Variants in DNAJB4 observed in about 807,000 individuals in gnomAD.
The protein encoded by DNAJB4 is dnaJ homolog subfamily B member 4.
Under a neutral mutation model 26.6 loss-of-function variants are expected in DNAJB4, and 10 were observed. That is an observed-to-expected ratio of 0.38 (90% CI 0.23 to 0.64). DNAJB4 has a LOEUF of 0.64. DNAJB4 is among the 30% of genes least tolerant of loss of function. The pLI is 0.58. For synonymous variants in DNAJB4, 136 were observed against 134.8 expected, an observed-to-expected ratio of 1.01 and a Z score of -0.06; for missense variants, 328 against 408.2, an observed-to-expected ratio of 0.80 and a Z score of 1.69.
intron 1 of DNAJB4, among the ~76,000 whole-genome samples, chr1:77,990,324 C>T (rs1259816882): frequency 2.0e-5 from 3 of 152,178 alleles, no homozygotes; most frequent in Non-Finnish European, 4.4e-5. Context: ...CTCCTTCACA[C>T]TATAAAATAT....
chr1:78,013,670 C>A, intron 2 of DNAJB4, 51 bp downstream of exon 2: 1 of 1,357,254 alleles, frequency 7.4e-7, no homozygotes, highest in African/African-American at 1.5e-5. Context: ...TGTAGTTGAT[C>A]ATAGGGAGTG....
chr1:77,991,314 G>A (rs1659926526), intron 1 of DNAJB4, among the ~76,000 whole-genome samples: 1 of 152,142 alleles, frequency 6.6e-6, no homozygotes, highest in Admixed American at 6.5e-5. Context: ...TTATTATACA[G>A]TTGATTCTCA....
At position 77,984,860 on chromosome 1, in the gene DNAJB4, G is replaced by A. The variant is rs190986230; in HGVS notation, c.-32+4538G>A. Among the ~76,000 whole-genome samples, 363 of 152,322 alleles carry A rather than the reference G, an allele frequency of 2.4e-3. 1 individual carries two copies. Among genetic ancestry groups the A allele is most frequent in the African/African-American group, 8.5e-3 (355 of 41,578 alleles). ...TTTCTTAGAATATCAGTCTTGGAAA[G>A]ACCTTGAAGGTAATCTCGCCCATTT... is the stretch of plus-strand genomic sequence containing the variant. On this transcript the variant is annotated intron_variant, in intron 1 of 2. Coordinates refer to the DNAJB4 transcript ENST00000426517.
chr1:78,015,155 G>T (rs1660600857), intron 2 of DNAJB4, among the ~76,000 whole-genome samples: 2 of 152,152 alleles, frequency 1.3e-5, no homozygotes, highest in South Asian at 4.1e-4. Flanking sequence ...TGCATTCCTT[G>T]AGCTGGGGTC....
intron 1 of DNAJB4, among the ~76,000 whole-genome samples, chr1:77,994,583 CTTTTT>C (rs5775435): frequency 2.1e-5 from 3 of 142,106 alleles, no homozygotes; most frequent in Non-Finnish European, 4.6e-5. Context: ...TACTCTCTCT[CTTTTT>C]TTTTTTTTTT....
intron 1 of DNAJB4, among the ~76,000 whole-genome samples, chr1:77,983,394 T>G (rs1659713723): frequency 6.6e-6 from 1 of 152,182 alleles, no homozygotes; most frequent in South Asian, 2.1e-4. Flanking sequence ...CCTCTTATAC[T>G]AATCCTCCTC....
rs564268639 is a variant in DNAJB4, at chr1:77,995,853, G to A, written c.-31-9227G>A. Among the ~76,000 whole-genome samples the A allele has an allele frequency of 2.0e-5, 3 of 152,282 alleles. No homozygotes were observed. In the South Asian group the frequency reaches 6.2e-4, roughly 32 times the overall value. On this transcript the variant is annotated intron_variant, in intron 1 of 2. Coordinates refer to the DNAJB4 transcript ENST00000426517. Reference sequence around the variant, plus strand: ...CCCAGCTACTTGGGAGGCTGAAATAGGAGAATCACTTGAACCCGGGAGGCG... The same window carrying A: ...CCCAGCTACTTGGGAGGCTGAAATAAGAGAATCACTTGAACCCGGGAGGCG...
In DNAJB4 at chr1:78,005,294, G is replaced by C. The variant is rs1326969895; in HGVS notation, c.184G>C (p.Glu62Gln). The change falls in exon 1 of 3, where the codon GAA becomes CAA. Residue 62 changes from glutamate to glutamine, a missense_variant. By Grantham distance (29) the Glu-to-Gln change is conservative. Transcript: ENST00000370763. The stretch of plus-strand genomic sequence containing the variant: ...AGTATTGAGTGATCCTAAAAAGAGA[G>C]AAATATATGATCAGTTTGGGGAGGA... ...YEVLSDPKKREIYDQFGEEGL... is the reference protein window; with the variant it reads ...YEVLSDPKKRQIYDQFGEEGL... The C allele has an allele frequency of 6.2e-7, 1 of 1,613,310 alleles. No individual in the cohort carries two copies.
intron 1 of DNAJB4, among the ~76,000 whole-genome samples, chr1:77,983,291 T>A (rs1312159098): frequency 6.6e-6 from 1 of 152,202 alleles, no homozygotes; most frequent in Non-Finnish European, 1.5e-5. Flanking sequence ...AGATGGAACA[T>A]ACAATCGGGT....
At chr1:77,997,013 C>CT (rs1660077952) in intron 1 of DNAJB4, among the ~76,000 whole-genome samples, 1 of 152,184 alleles carries the variant, frequency 6.6e-6, no homozygotes, top group African/African-American at 2.4e-5. Flanking sequence ...ATTAATGAAA[C>CT]TTTGTTAAGA....
upstream of DNAJB4, among the ~76,000 whole-genome samples, chr1:78,002,618 T>A (rs903102902): frequency 2.0e-5 from 3 of 152,166 alleles, no homozygotes; most frequent in African/African-American, 7.2e-5. Flanking sequence ...GCCAAATGTT[T>A]GAATTATTTA....
intron 1 of DNAJB4, among the ~76,000 whole-genome samples, chr1:77,998,143 C>T (rs1249509557): frequency 2.0e-5 from 3 of 152,212 alleles, no homozygotes; most frequent in Middle Eastern, 3.4e-3. Context: ...GTTTGTCTTC[C>T]CCCTCTAGAA....
chr1:78,010,093 C>G (rs1055327343), intron 1 of DNAJB4, among the ~76,000 whole-genome samples: 1 of 152,116 alleles, frequency 6.6e-6, no homozygotes, highest in East Asian at 1.9e-4. Context: ...TAATTATGAC[C>G]GAATTGCCCT....
chr1:77,979,309 T>C, upstream of DNAJB4: 1 of 366,958 alleles, frequency 2.7e-6, no homozygotes, highest in Non-Finnish European at 5.1e-6. Context: ...GCTGGGTAAT[T>C]GTTCCTGCAG....
chr1:78,004,014 A>G (rs1660255181), upstream of DNAJB4, among the ~76,000 whole-genome samples: 1 of 152,186 alleles, frequency 6.6e-6, no homozygotes, highest in South Asian at 2.1e-4. Context: ...GAAAGAAAAA[A>G]TATTTCTCAT....
chr1:77,982,972 CACAAAG>C (rs1249501381), intron 1 of DNAJB4, among the ~76,000 whole-genome samples: 15 of 152,254 alleles, frequency 9.9e-5, no homozygotes, highest in African/African-American at 2.6e-4. Context: ...AAGAAAAAGA[CACAAAG>C]ACAAAGTATG....
At chr1:77,996,825 G>A (rs973851517) in intron 1 of DNAJB4, among the ~76,000 whole-genome samples, 6 of 152,212 alleles carry the variant, frequency 3.9e-5, no homozygotes, top group African/African-American at 1.4e-4. Flanking sequence ...GCCATCTTAT[G>A]TTGGTGCTCT....
chr1:78,013,949 G>C (rs1660564055), intron 2 of DNAJB4, among the ~76,000 whole-genome samples: 1 of 151,746 alleles, frequency 6.6e-6, no homozygotes, highest in Non-Finnish European at 1.5e-5. Context: ...TGTTAATATG[G>C]AGTAATAATT....
Position 78,017,575 on chromosome 1 carries a change from A to G in DNAJB4, c.*1328A>G, listed in dbSNP as rs1490722445. ...TTCAGTGGTTTTTAGTGATATTTAC[A>G]AAGTGGTACAATCATCATCACTTTC... is the stretch of plus-strand genomic sequence containing the variant. On this transcript the variant is annotated 3_prime_UTR_variant, in exon 3 of 3. Coordinates refer to ENST00000370763, the MANE Select transcript of DNAJB4 (RefSeq NM_007034.5). 6.6e-6 allele frequency: 1 copy of G among 152,100 alleles called. No individual in the cohort carries two copies. The highest frequency in any genetic ancestry group is 1.5e-5 in the Non-Finnish European group (1 of 67,960). 9.4% of individuals were successfully genotyped at this position (152,100 alleles called of 1,614,324 possible). A position where few individuals can be genotyped will look rare whatever the true frequency, so the allele number is the denominator to read the frequency against.
Sources: gnomAD v4.1 joint callset for allele counts (sites outside exome capture counted in the v4.1 genomes callset) on GRCh38, gnomAD v4.1.1 for gene constraint, MANE v1.5 for transcripts, NCBI Gene and HGNC (gene_info 2026-07-23, HGNC 2026-07-21) for gene names.